Variants in LRRC37A2 observed in about 807,000 individuals in gnomAD.
LRRC37A2 encodes leucine-rich repeat-containing protein 37A2.
In LRRC37A2, 9 loss-of-function variants were observed where a neutral mutation model predicts 68.8. The observed-to-expected ratio is 0.13, with a 90% confidence interval of 0.08 to 0.23. The LOEUF (loss-of-function observed/expected upper bound fraction) is 0.23. Ranked by LOEUF, LRRC37A2 falls within the 10% of genes least tolerant of loss-of-function variation. LRRC37A2 has a pLI of 1.00. For missense variants in LRRC37A2, 168 were observed against 950.4 expected, an observed-to-expected ratio of 0.18 and a Z score of 10.82; for synonymous variants, 63 against 367.6, an observed-to-expected ratio of 0.17 and a Z score of 9.48.
At chr17:46,863,531 G>A in the LRRC37A2 span, among the ~76,000 whole-genome samples, 1 of 152,190 alleles carries the variant, frequency 6.6e-6, no homozygotes, top group African/African-American at 2.4e-5. Context: ...AAAGAAAGAG[G>A]ATGGTTAGAG....
the LRRC37A2 span, among the ~76,000 whole-genome samples, chr17:47,044,791 G>T: frequency 4.0e-5 from 6 of 149,372 alleles, no homozygotes; most frequent in African/African-American, 1.2e-4. Flanking sequence ...GAGAGAGGGT[G>T]GCTTGAGCCC....
the LRRC37A2 span, among the ~76,000 whole-genome samples, chr17:46,905,452 C>T: frequency 6.6e-6 from 1 of 152,200 alleles, no homozygotes; most frequent in Non-Finnish European, 1.5e-5. Context: ...TAACCCACTT[C>T]CAGCAAGAGT....
chr17:46,740,782 CCCA>C, the LRRC37A2 span, among the ~76,000 whole-genome samples: 1 of 151,884 alleles, frequency 6.6e-6, no homozygotes, highest in African/African-American at 2.4e-5. Context: ...CTACCTCAGC[CCCA>C]CAAGTAGCTG....
chr17:46,892,918 A>G, the LRRC37A2 span, among the ~76,000 whole-genome samples: 85 of 152,006 alleles, frequency 5.6e-4, no homozygotes, highest in African/African-American at 1.6e-3. Context: ...GCAGTCCAGG[A>G]CTACCTGACC....
At chr17:46,752,115 T>C in the LRRC37A2 span, among the ~76,000 whole-genome samples, 2 of 152,196 alleles carry the variant, frequency 1.3e-5, no homozygotes, top group South Asian at 4.1e-4. Flanking sequence ...ATCTGTATAT[T>C]TGTCCCTGGC....
the LRRC37A2 span, among the ~76,000 whole-genome samples, chr17:46,779,705 G>C: frequency 5.1e-4 from 78 of 152,340 alleles, no homozygotes; most frequent in African/African-American, 1.7e-3. Flanking sequence ...GATAACGCCT[G>C]CTGTGGCCAG....
At chr17:47,030,088 AATCATCATCATCATCATC>A in the LRRC37A2 span, among the ~76,000 whole-genome samples, 23 of 107,086 alleles carry the variant, frequency 2.1e-4, no homozygotes, top group East Asian at 1.5e-3. Flanking sequence ...TAATAATAAT[AATCATCATCATCATCATC>A]ATCATCATCA....
At chr17:46,815,333 T>C in the LRRC37A2 span, among the ~76,000 whole-genome samples, 1 of 152,182 alleles carries the variant, frequency 6.6e-6, no homozygotes, top group Non-Finnish European at 1.5e-5. Flanking sequence ...CTGAGGCCCC[T>C]TAGAGCTGTC....
the LRRC37A2 span, among the ~76,000 whole-genome samples, chr17:46,744,397 C>T: frequency 6.6e-6 from 1 of 152,226 alleles, no homozygotes; most frequent in Non-Finnish European, 1.5e-5. Flanking sequence ...CAGCACATAG[C>T]AGTTTTGAGT....
At chr17:46,723,774 C>G in the LRRC37A2 span, among the ~76,000 whole-genome samples, 1 of 152,200 alleles carries the variant, frequency 6.6e-6, no homozygotes, top group Non-Finnish European at 1.5e-5. Flanking sequence ...AGCACACCCA[C>G]TCCCTGGCCA....
At chr17:46,938,610 G>T in the LRRC37A2 span, 1 of 1,613,966 alleles carries the variant, frequency 6.2e-7, no homozygotes, top group Non-Finnish European at 8.5e-7. Flanking sequence ...GGACTCAGAA[G>T]AAGATCCTTG....
At chr17:46,896,392 G>GAGAAAGAAAGAAAGAAAGAA in the LRRC37A2 span, among the ~76,000 whole-genome samples, 1 of 88,782 alleles carries the variant, frequency 1.1e-5, no homozygotes, top group Non-Finnish European at 2.3e-5. Context: ...AAGAAAGAAA[G>GAGAAAGAAAGAAAGAAAGAA]AGAAAGAAAG....
the LRRC37A2 span, among the ~76,000 whole-genome samples, chr17:46,791,928 T>C: frequency 2.0e-5 from 3 of 152,142 alleles, no homozygotes; most frequent in African/African-American, 7.2e-5. Flanking sequence ...TAGTCCCAGC[T>C]ACTGGGGAGA....
At chr17:46,779,193 G>A in the LRRC37A2 span, among the ~76,000 whole-genome samples, 1 of 152,022 alleles carries the variant, frequency 6.6e-6, no homozygotes, top group Non-Finnish European at 1.5e-5. Context: ...TCCAAAGGAC[G>A]AGCCTGATGC....
the LRRC37A2 span, among the ~76,000 whole-genome samples, chr17:46,896,392 GAGAAAGAAAGAA>G: frequency 1.7e-4 from 15 of 88,858 alleles, no homozygotes; most frequent in South Asian, 1.3e-3. Context: ...AAGAAAGAAA[GAGAAAGAAAGAA>G]AGAAAGAAAG....
the LRRC37A2 span, among the ~76,000 whole-genome samples, chr17:46,994,252 G>A: frequency 2.0e-5 from 3 of 152,096 alleles, no homozygotes; most frequent in African/African-American, 7.2e-5. Flanking sequence ...AGGTGTGGTG[G>A]GGGGCGCCTG....
chr17:46,894,583 G>T, the LRRC37A2 span, among the ~76,000 whole-genome samples: 5 of 152,206 alleles, frequency 3.3e-5, no homozygotes, highest in Non-Finnish European at 5.9e-5. Context: ...CACTGCGGGG[G>T]TCCCCTGGTG....
At chr17:46,756,581 A>G in the LRRC37A2 span, 2 of 152,730 alleles carry the variant, frequency 1.3e-5, no homozygotes, top group African/African-American at 4.8e-5. Flanking sequence ...TGGAAAAAGC[A>G]TACACCCCCA....
chr17:46,921,717 C>T, the LRRC37A2 span, among the ~76,000 whole-genome samples: 1 of 151,920 alleles, frequency 6.6e-6, no homozygotes, highest in Non-Finnish European at 1.5e-5. Flanking sequence ...ATGCAGCCAA[C>T]AGACACATGA....
Sources: allele counts gnomAD v4.1 joint callset (sites outside exome capture counted in the v4.1 genomes callset), GRCh38; gene constraint gnomAD v4.1.1; transcripts MANE v1.5; gene names NCBI Gene and HGNC (gene_info 2026-07-23, HGNC 2026-07-21).